Variants in RAB9A observed in about 807,000 individuals in gnomAD.
RAB9A encodes the protein RAB9A, member RAS oncogene family.
Under a neutral mutation model 10.3 loss-of-function variants are expected in RAB9A, and 1 was observed. That is an observed-to-expected ratio of 0.10 (90% CI 0.03 to 0.46). RAB9A has a LOEUF of 0.46. Among genes scored for constraint, RAB9A ranks in the 20% least tolerant of loss-of-function variants. RAB9A has a pLI of 0.96. For missense variants in RAB9A, 92 were observed against 150.3 expected, an observed-to-expected ratio of 0.61 and a Z score of 2.03; for synonymous variants, 39 against 55.2, an observed-to-expected ratio of 0.71 and a Z score of 1.30.
intron 1 of RAB9A, among the ~76,000 whole-genome samples, chrX:13,691,436 C>T (rs1281970638): frequency 5.4e-5 from 6 of 110,542 alleles, no homozygotes; most frequent in African/African-American, 2.0e-4. Flanking sequence ...CCGAGGTGGG[C>T]GGATCACGAG....
intron 1 of RAB9A, among the ~76,000 whole-genome samples, chrX:13,694,549 G>A (rs192585364): frequency 8.0e-4 from 90 of 111,922 alleles, no homozygotes; most frequent in African/African-American, 2.9e-3. Context: ...TGATGTCATC[G>A]AAAGGAATGC....
chrX:13,704,684 G>A (rs1434846296), intron 2 of RAB9A, among the ~76,000 whole-genome samples: 1 of 105,640 alleles, frequency 9.5e-6, no homozygotes, highest in Non-Finnish European at 1.9e-5. Context: ...GTGCAATCTT[G>A]GCTCACTGCA....
intron 1 of RAB9A, among the ~76,000 whole-genome samples, chrX:13,698,240 C>T (rs1268747866): frequency 1.1e-5 from 1 of 92,593 alleles, no homozygotes; most frequent in Non-Finnish European, 2.1e-5. Flanking sequence ...TCCTTTCCCA[C>T]TCCCCCCACC....
intron 1 of RAB9A, among the ~76,000 whole-genome samples, chrX:13,691,428 G>C (rs1283613450): frequency 9.0e-6 from 1 of 111,097 alleles, no homozygotes; most frequent in Non-Finnish European, 1.9e-5. Flanking sequence ...TTGGGAGGCC[G>C]AGGTGGGCGG....
At chrX:13,707,106 A>G (rs2046201221) in intron 2 of RAB9A, among the ~76,000 whole-genome samples, 1 of 112,328 alleles carries the variant, frequency 8.9e-6, no homozygotes, top group African/African-American at 3.2e-5. Context: ...TTTATTTAAA[A>G]TTGAATAAAA....
chrX:13,696,860 C>T (rs1271894638), intron 1 of RAB9A, among the ~76,000 whole-genome samples: 1 of 111,470 alleles, frequency 9.0e-6, no homozygotes, highest in Non-Finnish European at 1.9e-5. Flanking sequence ...TTCAACACTT[C>T]GATAGGGGCA....
chrX:13,695,788 C>T (rs988577843), intron 1 of RAB9A, among the ~76,000 whole-genome samples: 20 of 111,206 alleles, frequency 1.8e-4, no homozygotes, highest in Admixed American at 9.6e-5. Flanking sequence ...TTTTATAGCC[C>T]AGGGAGATAC....
At chrX:13,699,607 C>T (rs952550593) in intron 1 of RAB9A, among the ~76,000 whole-genome samples, 1 of 112,266 alleles carries the variant, frequency 8.9e-6, no homozygotes, top group Non-Finnish European at 1.9e-5. Context: ...GATTAGGTTG[C>T]TGGGGCGGTC....
chrX:13,703,713 C>T (rs1375457996), intron 1 of RAB9A, 101 bp from the exon 2 acceptor site: 1 of 111,802 alleles, frequency 8.9e-6, no homozygotes, highest in Non-Finnish European at 1.9e-5. Context: ...CTAATTTGTT[C>T]TGCCTGTTGC....
intron 1 of RAB9A, among the ~76,000 whole-genome samples, chrX:13,703,052 T>C (rs1009950244): frequency 1.8e-5 from 2 of 113,142 alleles, no homozygotes; most frequent in African/African-American, 6.4e-5. Flanking sequence ...TCAGTAAGAT[T>C]GGAGATTACT....
At position 13,709,526 on chromosome X, in the gene RAB9A, A is replaced by G. The variant is rs2046212703; in HGVS notation, c.*174A>G. ...GACACATCCACTCTTGGAGGAATAT[A>G]TTTACTCAATAATGGCACCTTACAT... On this transcript the variant is annotated 3_prime_UTR_variant, in exon 3 of 3. Transcript: ENST00000464506. The G allele has an allele frequency of 4.7e-6, 2 of 421,828 alleles. No individual in the cohort carries two copies. The highest frequency in any genetic ancestry group is 7.8e-6 in the Non-Finnish European group (2 of 256,519). The allele number at this position is 421,828 out of a possible 1,213,427, so 34.8% of individuals were successfully genotyped here. A position where few individuals can be genotyped will look rare whatever the true frequency, so the allele number is the denominator to read the frequency against.
At chrX:13,703,291 G>A (rs150657609) in intron 1 of RAB9A, among the ~76,000 whole-genome samples, 61 of 112,128 alleles carry the variant, frequency 5.4e-4, no homozygotes, top group African/African-American at 1.9e-3. Flanking sequence ...TTTACTAGGT[G>A]TGTGACCTTG....
Position 13,709,210 on chromosome X carries a change from C to G in RAB9A, c.464C>G (p.Ala155Gly). The stretch of plus-strand genomic sequence containing the variant: ...GACTATCCTTATTTTGAAACAAGTG[C>G]AAAAGATGCCACAAATGTGGCAGCA... ...NGDYPYFETS[A>G]KDATNVAAAF... The change falls in exon 3 of 3, where the codon GCA (alanine) becomes GGA (glycine). Residue 155 changes from alanine (A) to glycine (G), a missense_variant. Coordinates refer to ENST00000464506, the MANE Select transcript of RAB9A (RefSeq NM_004251.5). 3.3e-6 allele frequency: 4 copies of G among 1,211,547 alleles called. No individual in the cohort carries two copies. The highest frequency in any genetic ancestry group is 4.5e-6 in the Non-Finnish European group (4 of 895,507).
At chrX:13,697,485 C>T (rs1481489324) in intron 1 of RAB9A, among the ~76,000 whole-genome samples, 1 of 111,468 alleles carries the variant, frequency 9.0e-6, no homozygotes, top group Non-Finnish European at 1.9e-5. Context: ...TAAGTGTCAT[C>T]GCAGGTAGAT....
intron 1 of RAB9A, among the ~76,000 whole-genome samples, chrX:13,690,940 T>C (rs1010491561): frequency 9.0e-6 from 1 of 110,791 alleles, no homozygotes; most frequent in African/African-American, 3.3e-5. Context: ...TTTAGAGTAG[T>C]AGTTTTCAAC....
At chrX:13,698,190 CTTTTTTTTT>C (rs67802719) in intron 1 of RAB9A, among the ~76,000 whole-genome samples, 2 of 38,351 alleles carry the variant, frequency 5.2e-5, no homozygotes, top group African/African-American at 9.2e-5. Context: ...TCTTTTTTTT[CTTTTTTTTT>C]TTTTTTTTTT....
Position 13,709,227 on chromosome X carries a change from G to A in RAB9A, c.481G>A (p.Val161Met). ...AACAAGTGCAAAAGATGCCACAAATGTGGCAGCAGCCTTTGAGGAAGCGGT... is the reference window on the plus strand; with the variant it reads ...AACAAGTGCAAAAGATGCCACAAATATGGCAGCAGCCTTTGAGGAAGCGGT... Reference protein sequence around the residue: ...FETSAKDATNVAAAFEEAVRR... With the variant: ...FETSAKDATNMAAAFEEAVRR... The change falls in exon 3 of 3, where the codon GTG becomes ATG. Residue 161 changes from valine to methionine, a missense_variant. By Grantham distance (21) the Val-to-Met change is conservative (BLOSUM62 1). Transcript: ENST00000464506. 8.3e-7 allele frequency: 1 copy of A among 1,211,907 alleles called. No individual in the cohort carries two copies. Among genetic ancestry groups the A allele is most frequent in the Non-Finnish European group, 1.1e-6 (1 of 895,596 alleles).
At chrX:13,699,995 C>T (rs760717747) in intron 1 of RAB9A, among the ~76,000 whole-genome samples, 5 of 111,378 alleles carry the variant, frequency 4.5e-5, no homozygotes, top group Admixed American at 9.5e-5. Context: ...CACTCTGTCA[C>T]CCAGGCTGGA....
intron 2 of RAB9A, among the ~76,000 whole-genome samples, chrX:13,706,999 C>T (rs924819359): frequency 8.9e-6 from 1 of 112,142 alleles, no homozygotes; most frequent in African/African-American, 3.2e-5. Context: ...TTATTGCCTT[C>T]CCATGGAGGG....
Sources: gnomAD v4.1 joint callset for allele counts (sites outside exome capture counted in the v4.1 genomes callset) on GRCh38, gnomAD v4.1.1 for gene constraint, MANE v1.5 for transcripts, NCBI Gene and HGNC (gene_info 2026-07-23, HGNC 2026-07-21) for gene names.